MFHAS1: variants seen among roughly 807,000 people sequenced by gnomAD.
MFHAS1 encodes the protein multifunctional ROCO family signaling regulator 1, also known as malignant fibrous histiocytoma-amplified sequence 1.
MFHAS1 carries 50 observed loss-of-function variants against 70.4 expected under a neutral mutation model. The observed-to-expected ratio is 0.71, with a 90% CI of 0.57 to 0.90. The LOEUF is 0.90. MFHAS1 is among the 40% of genes least tolerant of loss of function. The probability of loss-of-function intolerance (pLI) is 0.00; values close to 1 mark genes in which losing one functional copy is unlikely to be tolerated. For synonymous variants in MFHAS1, 952 were observed against 620.0 expected (o/e 1.54, Z -7.96); for missense variants, 1,795 against 1,347.6 (o/e 1.33, Z -5.20).
chr8:8,845,588 C>A (rs979969363), intron 1 of MFHAS1, among the ~76,000 whole-genome samples: 2 of 152,182 alleles, frequency 1.3e-5, no homozygotes, highest in African/African-American at 2.4e-5. Flanking sequence ...GGGAATGCTT[C>A]TTCCTCAGTG....
rs150557278 is a variant in MFHAS1, at chr8:8,892,337, G to A, written c.722C>T (p.Thr241Met). 4.3e-6 allele frequency: 7 copies of A among 1,611,724 alleles called. No individual in the cohort carries two copies. Among genetic ancestry groups the A allele is most frequent in the South Asian group, 1.1e-5 (1 of 91,052 alleles). Reference protein sequence around the residue: ...ILWLSGAELGTLPAGFCELAS... With the variant: ...ILWLSGAELGMLPAGFCELAS... ...CAGCTCGCAGAAGCCGGCGGGCAGC[G>A]TGCCAAGCTCGGCCCCACTCAGCCA... Residue 241 changes from threonine (T) to methionine (M), a missense_variant, in exon 1 of 3, where the codon ACG (threonine) becomes ATG (methionine). Transcript: ENST00000276282. This position sits in a 1 kb window ranked among gnomAD's most constrained non-coding sequence, Gnocchi z 4.7.
intron 1 of MFHAS1, among the ~76,000 whole-genome samples, chr8:8,841,643 C>A (rs1343990005): frequency 6.6e-6 from 1 of 152,006 alleles, no homozygotes; most frequent in Non-Finnish European, 1.5e-5. Flanking sequence ...AATGGTAAGG[C>A]CAAAAGGAAG....
At chr8:8,800,255 C>T (rs1199967948) in intron 1 of MFHAS1, among the ~76,000 whole-genome samples, 1 of 152,176 alleles carries the variant, frequency 6.6e-6, no homozygotes, top group Admixed American at 6.5e-5. Context: ...CAGCAAACTG[C>T]TACAAAAGTT....
rs567320307 is a variant in MFHAS1 at position 8,892,381 on chromosome 8, C to G, written c.678G>C (p.Leu226=). The change falls in exon 1 of 3, where the codon CTG becomes CTC. Residue 226 remains leucine (L), a synonymous_variant. Transcript: ENST00000276282. This position sits in a 1 kb window ranked among gnomAD's most constrained non-coding sequence, Gnocchi z 4.7. Reference sequence around the variant, plus strand: ...TCAGCCAGAGGATCTTGAGGGCACGCAGGGCACTGATATCCTCAGGCAGGC... The same window carrying G: ...TCAGCCAGAGGATCTTGAGGGCACGGAGGGCACTGATATCCTCAGGCAGGC... The part of the protein sequence containing the change: ...LRGLPEDISA[L]RALKILWLSG... 6 of 1,612,844 alleles carry G rather than the reference C, an allele frequency of 3.7e-6. No homozygotes were observed. Among genetic ancestry groups the G allele is most frequent in the East Asian group, 2.2e-5 (1 of 44,866 alleles).
At chr8:8,796,187 T>A (rs990481113) in intron 2 of MFHAS1, among the ~76,000 whole-genome samples, 5 of 152,212 alleles carry the variant, frequency 3.3e-5, no homozygotes, top group African/African-American at 1.2e-4. Flanking sequence ...GAAAGTTACT[T>A]GGCATGTGTG....
intron 1 of MFHAS1, among the ~76,000 whole-genome samples, chr8:8,876,970 C>A (rs990054167): frequency 2.6e-5 from 4 of 151,372 alleles, no homozygotes; most frequent in African/African-American, 9.7e-5. Context: ...TGTCATAGTG[C>A]GGTAAGTGGT....
At chr8:8,796,036 G>A (rs1353486427) in intron 2 of MFHAS1, among the ~76,000 whole-genome samples, 1 of 152,178 alleles carries the variant, frequency 6.6e-6, no homozygotes, top group Admixed American at 6.5e-5. Flanking sequence ...AGGATTTGAA[G>A]TAACAGGCAT....
rs1269111493 is a variant in MFHAS1, at chr8:8,892,737, C to G, written c.322G>C (p.Glu108Gln). Residue 108 changes from glutamate (E) to glutamine (Q), a missense_variant, in exon 1 of 3, where the codon GAG (glutamate) becomes CAG (glutamine). By Grantham distance (29) the Glu-to-Gln change is conservative (BLOSUM62 2). Transcript: ENST00000276282. This position sits in a 1 kb window ranked among gnomAD's most constrained non-coding sequence, Gnocchi z 4.7. The stretch of plus-strand genomic sequence containing the variant: ...AGCTCGGTGAGGTGGTGGCCGAGCT[C>G]GGCCACCGCCGGGGGCAGCCGGGCG... ...RFARLPPAVAELGHHLTELDV... is the reference protein window; with the variant it reads ...RFARLPPAVAQLGHHLTELDV... 2 of 1,570,942 alleles carry G rather than the reference C, an allele frequency of 1.3e-6. No homozygotes were observed. Among genetic ancestry groups the G allele is most frequent in the Non-Finnish European group, 1.7e-6 (2 of 1,160,854 alleles).
chr8:8,881,837 AAGC>A (rs1294933892), intron 1 of MFHAS1, among the ~76,000 whole-genome samples: 6 of 151,632 alleles, frequency 4.0e-5, no homozygotes, highest in African/African-American at 9.7e-5. Flanking sequence ...AAAAAAAAGA[AAGC>A]AGCAGCCAGT....
At chr8:8,872,211 G>A (rs992453977) in intron 1 of MFHAS1, among the ~76,000 whole-genome samples, 11 of 152,160 alleles carry the variant, frequency 7.2e-5, no homozygotes, top group Non-Finnish European at 1.5e-5. Context: ...GCAAATATTT[G>A]TCTATGACCA....
intron 1 of MFHAS1, among the ~76,000 whole-genome samples, chr8:8,849,159 C>A (rs1433223514): frequency 7.1e-6 from 1 of 140,742 alleles, no homozygotes; most frequent in Non-Finnish European, 1.5e-5. Context: ...CAGCTCACTG[C>A]AACCTCTGCC....
intron 1 of MFHAS1, among the ~76,000 whole-genome samples, chr8:8,835,406 G>C (rs945486395): frequency 6.6e-6 from 1 of 152,116 alleles, no homozygotes; most frequent in African/African-American, 2.4e-5. Flanking sequence ...GGGCATCCCG[G>C]AGCAGAGTTA....
chr8:8,866,766 CG>C (rs1808874469), intron 1 of MFHAS1, among the ~76,000 whole-genome samples: 1 of 151,988 alleles, frequency 6.6e-6, no homozygotes, highest in Admixed American at 6.6e-5. Flanking sequence ...ATGAATGGGA[CG>C]GAAACGGTTC....
chr8:8,864,308 C>A (rs1383346027), intron 1 of MFHAS1, among the ~76,000 whole-genome samples: 2 of 152,218 alleles, frequency 1.3e-5, no homozygotes, highest in African/African-American at 4.8e-5. Flanking sequence ...CTGCTACTGG[C>A]CATGAGGGCC....
In MFHAS1 at chr8:8,783,684, G is replaced by C. The variant is rs1193012383; in HGVS notation, c.*2338C>G. 6.6e-6 allele frequency: 1 copy of C among 152,170 alleles called. No homozygotes were observed. Among genetic ancestry groups the C allele is most frequent in the Non-Finnish European group, 1.5e-5 (1 of 68,038 alleles). 9.4% of individuals were successfully genotyped at this position (152,170 alleles called of 1,614,324 possible). On this transcript the variant is annotated 3_prime_UTR_variant, in exon 3 of 3. Coordinates refer to ENST00000276282, the MANE Select transcript of MFHAS1 (RefSeq NM_004225.3). ...TAACAAACTTGGAGGGCATTTGTTT[G>C]AGAGGCAAGGGACGCCTTGCTTAGA...
chr8:8,867,976 C>T (rs892376754), intron 1 of MFHAS1, among the ~76,000 whole-genome samples: 1 of 152,142 alleles, frequency 6.6e-6, no homozygotes, highest in East Asian at 1.9e-4. Flanking sequence ...AAATGGAACT[C>T]GAGTTTTTCC....
intron 1 of MFHAS1, among the ~76,000 whole-genome samples, chr8:8,799,993 G>A (rs1467003108): frequency 1.3e-5 from 2 of 152,202 alleles, no homozygotes; most frequent in African/African-American, 2.4e-5. Flanking sequence ...GACTTGGGAT[G>A]TGAACTTGGG....
chr8:8,891,417 C>G lies in MFHAS1; in HGVS notation c.1642G>C (p.Glu548Gln). The change falls in exon 1 of 3, where the codon GAG (glutamate) becomes CAG (glutamine). Residue 548 changes from glutamate (E) to glutamine (Q), a missense_variant. By Grantham distance (29) the Glu-to-Gln change is conservative. Coordinates refer to ENST00000276282, the MANE Select transcript of MFHAS1 (RefSeq NM_004225.3). The surrounding 1 kb of genome is among the most constrained non-coding windows in gnomAD (Gnocchi z 5.4). ...HADLCGEREL[E>Q]EKCLDIHRQI... ...CGGTGAATGTCCAGACATTTCTCCT[C>G]CAGCTCACGCTCTCCGCACAGGTCT... 2 of 1,612,740 alleles carry G rather than the reference C, an allele frequency of 1.2e-6. No individual in the cohort carries two copies. Among genetic ancestry groups the G allele is most frequent in the Non-Finnish European group, 1.7e-6 (2 of 1,180,026 alleles).
chr8:8,865,192 G>A lies in MFHAS1; in HGVS notation c.2998+24869C>T, dbSNP rs569212656. 8.3e-5 allele frequency among the ~76,000 whole-genome samples: 12 copies of A among 145,180 alleles called. No individual in the cohort carries two copies. In the East Asian group the frequency reaches 1.0e-3, roughly 12 times the overall value. On this transcript the variant is annotated intron_variant, in intron 1 of 2. Transcript: ENST00000276282. ...CTCAGGAGGCCGAGGCAGGAGAATC[G>A]CTCGAACCCAGGAGCTGGAGGTTGC...
Sources: allele counts gnomAD v4.1 joint callset (sites outside exome capture counted in the v4.1 genomes callset), GRCh38; gene constraint gnomAD v4.1.1; non-coding constraint Gnocchi (gnomAD v3.1); transcripts MANE v1.5; gene names NCBI Gene and HGNC (gene_info 2026-07-23, HGNC 2026-07-21).